ADK: variants seen among roughly 807,000 people sequenced by gnomAD.
ADK encodes the protein N6,N6-dimethyladenosine kinase.
ADK carries 24 observed loss-of-function variants against 44.7 expected under a neutral mutation model. The observed-to-expected ratio is 0.54, with a 90% CI of 0.39 to 0.76. The LOEUF is 0.76. Ranked by LOEUF, ADK falls within the 30% of genes least tolerant of loss-of-function variation. The pLI is 0.00. For synonymous variants in ADK, 128 were observed against 142.6 expected (o/e 0.90, Z 0.73); for missense variants, 321 against 425.1 (o/e 0.76, Z 2.15).
chr10:74,439,336 C>CG (rs11383205), intron 6 of ADK, among the ~76,000 whole-genome samples: 1 of 151,854 alleles, frequency 6.6e-6, no homozygotes, highest in Admixed American at 6.6e-5. Context: ...CTTTTTCCTT[C>CG]CCTGTCTTAT....
intron 4 of ADK, among the ~76,000 whole-genome samples, chr10:74,346,172 A>G (rs1387396376): frequency 6.6e-6 from 1 of 152,182 alleles, no homozygotes; most frequent in Non-Finnish European, 1.5e-5. Flanking sequence ...AAGTACAAGT[A>G]TGAGCCACTG....
Position 74,177,945 on chromosome 10 carries a change from A to ATATATATTT in ADK, c.66-22818_66-22817insATATATTTT, listed in dbSNP as rs10693309. ...TAATTATATATATATATATATATAT[A>ATATATATTT]TTTTTTTTTTTTTGAGACAGAGTTT... On this transcript the variant is annotated intron_variant, in intron 1 of 10. Transcript: ENST00000539909. Among the ~76,000 whole-genome samples the ATATATATTT allele has an allele frequency of 7.7e-3, 841 of 108,922 alleles. 8 individuals are homozygous for ATATATATTT. The highest frequency in any genetic ancestry group is 0.021 in the Middle Eastern group (4 of 192). 71.5% of individuals were successfully genotyped at this position (108,922 alleles called of 152,430 possible).
chr10:74,233,276 G>A (rs1338616838), intron 3 of ADK, among the ~76,000 whole-genome samples: 1 of 152,172 alleles, frequency 6.6e-6, no homozygotes, highest in Non-Finnish European at 1.5e-5. Flanking sequence ...TTTTGATGTA[G>A]GTTAATGAAT....
chr10:74,188,597 C>T (rs1842849314), intron 1 of ADK, among the ~76,000 whole-genome samples: 1 of 152,008 alleles, frequency 6.6e-6, no homozygotes, highest in Non-Finnish European at 1.5e-5. Context: ...CGTGACCTGC[C>T]TGCCTCGGCC....
intron 6 of ADK, among the ~76,000 whole-genome samples, chr10:74,462,076 AC>A (rs1846190850): frequency 6.6e-6 from 1 of 152,124 alleles, no homozygotes; most frequent in African/African-American, 2.4e-5. Flanking sequence ...TAAATCTTAT[AC>A]AAATTCCTTG....
chr10:74,322,756 A>C (rs1315568813), intron 4 of ADK, among the ~76,000 whole-genome samples: 68 of 122,144 alleles, frequency 5.6e-4, no homozygotes, highest in African/African-American at 6.3e-4. Context: ...TCTTCCCTTT[A>C]CCCCTCCTCT....
intron 7 of ADK, among the ~76,000 whole-genome samples, chr10:74,571,611 A>G (rs1850967011): frequency 1.3e-5 from 2 of 152,002 alleles, no homozygotes; most frequent in Admixed American, 6.6e-5. Context: ...GGTAGTTTGT[A>G]TTTCTGTGGG....
intron 4 of ADK, among the ~76,000 whole-genome samples, chr10:74,356,994 G>T (rs1842168026): frequency 1.3e-5 from 2 of 152,156 alleles, no homozygotes; most frequent in Non-Finnish European, 2.9e-5. Flanking sequence ...ATCTTTCTGG[G>T]CAGAGCAGGG....
At chr10:74,426,987 T>C (rs2133060572) in intron 6 of ADK, among the ~76,000 whole-genome samples, 2 of 152,096 alleles carry the variant, frequency 1.3e-5, no homozygotes, top group East Asian at 3.9e-4. Context: ...TTCCCTTCCG[T>C]GTGTCCATGT....
At chr10:74,371,845 C>G in intron 4 of ADK, 1 of 1,320,836 alleles carries the variant, frequency 7.6e-7, no homozygotes, top group Non-Finnish European at 1.1e-6. Context: ...GGCCACTTCA[C>G]TCCTGGAACC....
intron 4 of ADK, among the ~76,000 whole-genome samples, chr10:74,386,065 C>T (rs2132020784): frequency 6.6e-6 from 1 of 152,244 alleles, no homozygotes; most frequent in East Asian, 1.9e-4. Flanking sequence ...TGCCCTGTCT[C>T]ACTTGGTGGT....
At chr10:74,572,868 A>C (rs907282781) in intron 7 of ADK, among the ~76,000 whole-genome samples, 1 of 152,112 alleles carries the variant, frequency 6.6e-6, no homozygotes, top group Admixed American at 6.5e-5. Context: ...TCCTTTAAGC[A>C]CTTCTCTATA....
At position 74,525,270 on chromosome 10, in the gene ADK, A is replaced by C. The variant is rs890887790; in HGVS notation, c.570A>C (p.Thr190=). Residue 190 remains threonine (T), a synonymous_variant, in exon 7 of 11, where the codon ACA becomes ACC. Coordinates refer to ENST00000539909, the MANE Select transcript of ADK (RefSeq NM_006721.4). ...RVCYIAGFFL[T]VSPESVLKVA... is the part of the protein sequence containing the mutation. ...TCTTCATCCAGGGCTTTTTTCTTAC[A>C]GTTTCCCCAGAGTCAGTATTAAAGG... 6.2e-7 allele frequency: 1 copy of C among 1,613,718 alleles called. No homozygotes were observed. Among genetic ancestry groups the C allele is most frequent in the Admixed American group, 1.7e-5 (1 of 59,980 alleles).
At chr10:74,341,264 T>TA (rs1465471622) in intron 4 of ADK, among the ~76,000 whole-genome samples, 1 of 152,044 alleles carries the variant, frequency 6.6e-6, no homozygotes. Flanking sequence ...TTACTCCTGT[T>TA]AATCCCAGCA....
intron 7 of ADK, among the ~76,000 whole-genome samples, chr10:74,559,982 A>G (rs892178649): frequency 2.0e-5 from 3 of 152,012 alleles, no homozygotes; most frequent in African/African-American, 7.2e-5. Context: ...GCTGGAGTGC[A>G]ATGGCATGAT....
At chr10:74,317,696 A>G (rs769584938) in intron 4 of ADK, among the ~76,000 whole-genome samples, 1 of 152,186 alleles carries the variant, frequency 6.6e-6, no homozygotes, top group Non-Finnish European at 1.5e-5. Context: ...AGGAATGCCC[A>G]TCTCTGATTT....
intron 6 of ADK, among the ~76,000 whole-genome samples, chr10:74,400,670 A>T (rs1434629294): frequency 6.6e-6 from 1 of 152,200 alleles, no homozygotes; most frequent in Non-Finnish European, 1.5e-5. Flanking sequence ...TTACATTATC[A>T]TCATAAACTA....
At chr10:74,248,128 C>T (rs1845497550) in intron 3 of ADK, among the ~76,000 whole-genome samples, 1 of 152,106 alleles carries the variant, frequency 6.6e-6, no homozygotes, top group Admixed American at 6.5e-5. Context: ...TACATAATAT[C>T]CCTCTTCCTT....
intron 1 of ADK, among the ~76,000 whole-genome samples, chr10:74,160,775 T>G (rs1403630076): frequency 5.8e-5 from 5 of 85,792 alleles, no homozygotes; most frequent in South Asian, 2.9e-4. Context: ...TAGGCATTGT[T>G]CGTATATGGG....
Sources: gnomAD v4.1 joint callset for allele counts (sites outside exome capture counted in the v4.1 genomes callset) on GRCh38, gnomAD v4.1.1 for gene constraint, MANE v1.5 for transcripts, NCBI Gene and HGNC (gene_info 2026-07-23, HGNC 2026-07-21) for gene names.